Variants in TIAM2 observed in about 807,000 individuals in gnomAD.
TIAM2 encodes TIAM Rac1 associated GEF 2.
A neutral mutation model predicts 152.9 loss-of-function variants in TIAM2; 80 were observed. The observed-to-expected ratio is 0.52, with a 90% CI of 0.44 to 0.63. The LOEUF (loss-of-function observed/expected upper bound fraction) is 0.63, where lower values mean the gene tolerates loss of function less well. Ranked by LOEUF, TIAM2 falls within the 30% of genes least tolerant of loss-of-function variation. TIAM2 has a pLI of 0.00. For missense variants in TIAM2, 1,965 were observed against 2,120.1 expected (o/e 0.93, Z 1.44); for synonymous variants, 804 against 838.0 (o/e 0.96, Z 0.70).
chr6:155,105,431 G>A (rs980613288), intron 2 of TIAM2, among the ~76,000 whole-genome samples: 4 of 152,184 alleles, frequency 2.6e-5, no homozygotes, highest in East Asian at 1.9e-4. Flanking sequence ...ATTATGGCAT[G>A]AGCCATCGCC....
At chr6:155,029,742 C>CTATATATATA (rs60980296) in intron 1 of TIAM2, among the ~76,000 whole-genome samples, 1 of 126,584 alleles carries the variant, frequency 7.9e-6, no homozygotes, top group African/African-American at 3.0e-5. Flanking sequence ...TAGTATATAA[C>CTATATATATA]TATATATATA....
chr6:155,193,566 A>C (rs907828044), intron 14 of TIAM2, among the ~76,000 whole-genome samples: 3 of 152,162 alleles, frequency 2.0e-5, no homozygotes, highest in African/African-American at 7.2e-5. Context: ...TTTTTTTCTC[A>C]CCTTTATTTT....
chr6:155,183,849 T>C (rs1477090587), intron 14 of TIAM2, among the ~76,000 whole-genome samples: 3 of 152,240 alleles, frequency 2.0e-5, no homozygotes, highest in Non-Finnish European at 4.4e-5. Flanking sequence ...ATTTTTCTTA[T>C]TTAGTTGAAT....
intron 1 of TIAM2, among the ~76,000 whole-genome samples, chr6:155,042,445 A>G (rs1267049623): frequency 6.6e-6 from 1 of 152,066 alleles, no homozygotes; most frequent in Non-Finnish European, 1.5e-5. Flanking sequence ...AAAATACAAA[A>G]ATTAGCCAGG....
intron 2 of TIAM2, among the ~76,000 whole-genome samples, chr6:155,115,144 A>G (rs1778980323): frequency 6.7e-6 from 1 of 149,460 alleles, no homozygotes; most frequent in Non-Finnish European, 1.5e-5. Flanking sequence ...CTCTTTTGAA[A>G]GGGAATCCTG....
chr6:155,163,268 T>C (rs979696292), intron 7 of TIAM2, among the ~76,000 whole-genome samples: 1 of 152,304 alleles, frequency 6.6e-6, no homozygotes, highest in Middle Eastern at 3.4e-3. Flanking sequence ...CTCTTGAGTG[T>C]TGAGATTGCG....
chr6:155,127,174 C>T (rs1238009650), intron 2 of TIAM2, among the ~76,000 whole-genome samples: 1 of 152,212 alleles, frequency 6.6e-6, no homozygotes, highest in African/African-American at 2.4e-5. Context: ...CCCTGTGAGA[C>T]TGAGAGTTGT....
At position 155,137,234 on chromosome 6, in the gene TIAM2, A is replaced by G; in HGVS notation, c.1252A>G (p.Thr418Ala). The change falls in exon 5 of 27, where the codon ACA becomes GCA. Residue 418 changes from threonine to alanine, a missense_variant. By Grantham distance (58) the Thr-to-Ala change is moderately conservative. This residue lies in a region of TIAM2 where 1,025 missense variants were observed against 1,119.4 expected (regional missense o/e 0.92). Coordinates refer to ENST00000682666, the MANE Select transcript of TIAM2 (RefSeq NM_012454.4). ...TGACAGTCGCTCTGATGGACTGAAT[A>G]CAGATGTGCAGGGATCCTCCCAGGC... is the stretch of plus-strand genomic sequence containing the variant. ...YFDSRSDGLN[T>A]DVQGSSQASA... 8 of 1,614,216 alleles carry G rather than the reference A, an allele frequency of 5.0e-6. No individual in the cohort carries two copies. The highest frequency in any genetic ancestry group is 6.8e-6 in the Non-Finnish European group (8 of 1,180,046).
intron 1 of TIAM2, among the ~76,000 whole-genome samples, chr6:155,088,756 C>A (rs1436121753): frequency 6.6e-6 from 1 of 152,190 alleles, no homozygotes; most frequent in Non-Finnish European, 1.5e-5. Flanking sequence ...TTGAATGCAG[C>A]CCAACACAAA....
At chr6:155,150,659 G>A (rs1779933313) in intron 7 of TIAM2, among the ~76,000 whole-genome samples, 1 of 152,168 alleles carries the variant, frequency 6.6e-6, no homozygotes, top group African/African-American at 2.4e-5. Context: ...ATAAACAAGA[G>A]CAATTTATTT....
Position 155,256,815 on chromosome 6 carries a change from C to G in TIAM2, c.4800C>G (p.Asp1600Glu). The change falls in exon 27 of 27, where the codon GAC (aspartate) becomes GAG (glutamate). Residue 1600 changes from aspartate to glutamate, a missense_variant. Asp to Glu is a conservative substitution (Grantham distance 45). Coordinates refer to ENST00000682666, the MANE Select transcript of TIAM2 (RefSeq NM_012454.4). ...TCCAGAGACTGAGGATTTCCGAGGA[C>G]CCAGACGTTCACCCCGAGGCTGAGC... ...IQFQRLRISE[D>E]PDVHPEAEQQ... The G allele has an allele frequency of 1.9e-6, 3 of 1,614,128 alleles. No individual in the cohort carries two copies. Among genetic ancestry groups the G allele is most frequent in the Non-Finnish European group, 2.5e-6 (3 of 1,180,034 alleles).
At chr6:155,046,303 C>G (rs1466480540) in intron 1 of TIAM2, among the ~76,000 whole-genome samples, 1 of 148,270 alleles carries the variant, frequency 6.7e-6, no homozygotes, top group Non-Finnish European at 1.5e-5. Flanking sequence ...TATGGCTAGC[C>G]TTAGAGGAAG....
At chr6:155,187,724 A>C (rs1367263368) in intron 14 of TIAM2, among the ~76,000 whole-genome samples, 1 of 151,662 alleles carries the variant, frequency 6.6e-6, no homozygotes, top group Non-Finnish European at 1.5e-5. Flanking sequence ...GATTACAGGC[A>C]TGCACCACCA....
intron 1 of TIAM2, among the ~76,000 whole-genome samples, chr6:155,033,464 G>A (rs1404409370): frequency 6.6e-6 from 1 of 152,048 alleles, no homozygotes; most frequent in Non-Finnish European, 1.5e-5. Context: ...ATAGCACTTT[G>A]GCTCTGAAAT....
At chr6:155,054,239 C>A (rs1377739919) in intron 1 of TIAM2, among the ~76,000 whole-genome samples, 1 of 152,080 alleles carries the variant, frequency 6.6e-6, no homozygotes, top group African/African-American at 2.4e-5. Flanking sequence ...GTGCATCCCC[C>A]CTGAGAGGCA....
chr6:155,246,933 G>C (rs1783370299), intron 19 of TIAM2, among the ~76,000 whole-genome samples: 1 of 152,234 alleles, frequency 6.6e-6, no homozygotes, highest in Non-Finnish European at 1.5e-5. Context: ...AGTGCCAACT[G>C]GTGGAATCCA....
chr6:155,106,074 G>C (rs983793509), intron 2 of TIAM2, among the ~76,000 whole-genome samples: 1 of 151,016 alleles, frequency 6.6e-6, no homozygotes, highest in Non-Finnish European at 1.5e-5. Context: ...GCGTGATCTC[G>C]GCTCACTGCA....
At chr6:155,130,883 G>A (rs993864241) in intron 4 of TIAM2, among the ~76,000 whole-genome samples, 1 of 152,130 alleles carries the variant, frequency 6.6e-6, no homozygotes, top group African/African-American at 2.4e-5. Flanking sequence ...CCATCATGGG[G>A]ACTCTACCCT....
chr6:155,209,392 C>G (rs1321675708), intron 14 of TIAM2, among the ~76,000 whole-genome samples: 1 of 152,132 alleles, frequency 6.6e-6, no homozygotes, highest in African/African-American at 2.4e-5. Flanking sequence ...AGATTGGTCT[C>G]CCTTAAGCCA....
Sources: allele counts gnomAD v4.1 joint callset (sites outside exome capture counted in the v4.1 genomes callset), GRCh38; gene constraint gnomAD v4.1.1; regional missense constraint gnomAD v4.1.1; transcripts MANE v1.5; gene names NCBI Gene and HGNC (gene_info 2026-07-23, HGNC 2026-07-21).